Variants in SLC28A3 observed in about 807,000 individuals in gnomAD.
SLC28A3 encodes solute carrier family 28 member 3.
A neutral mutation model predicts 84.2 loss-of-function variants in SLC28A3; 68 were observed. The ratio of observed to expected loss-of-function variants is 0.81; its 90% confidence interval spans 0.66 to 0.99. SLC28A3 has a LOEUF of 0.99. SLC28A3 is among the 50% of genes least tolerant of loss of function. The pLI is 0.00. For synonymous variants in SLC28A3, 267 were observed against 303.6 expected (o/e 0.88, Z 1.25); for missense variants, 712 against 841.5 (o/e 0.85, Z 1.90).
intron 1 of SLC28A3, among the ~76,000 whole-genome samples, chr9:84,337,733 A>G (rs905642072): frequency 6.6e-6 from 1 of 152,198 alleles, no homozygotes; most frequent in Non-Finnish European, 1.5e-5. Flanking sequence ...ATCCTCAGCC[A>G]TATGAGAAAT....
intron 3 of SLC28A3, among the ~76,000 whole-genome samples, chr9:84,308,227 G>C (rs1825869034): frequency 6.6e-6 from 1 of 151,972 alleles, no homozygotes; most frequent in South Asian, 2.1e-4. Context: ...CTGTTGCCCA[G>C]GCTGGACAGA....
chr9:84,342,127 CAAA>C (rs200186519), upstream of SLC28A3, among the ~76,000 whole-genome samples: 3 of 68,748 alleles, frequency 4.4e-5, no homozygotes, highest in Non-Finnish European at 2.9e-5. Flanking sequence ...GACCCTGTCT[CAAA>C]AAAAAAAAAA....
At chr9:84,297,838 C>A in intron 7 of SLC28A3, 68 bp downstream of exon 7, 1 of 1,289,498 alleles carries the variant, frequency 7.8e-7, no homozygotes, top group Non-Finnish European at 1.1e-6. Context: ...ATTTCTGACA[C>A]GTCTTGAGGA....
intron 3 of SLC28A3, among the ~76,000 whole-genome samples, chr9:84,305,571 C>T (rs1825764539): frequency 6.6e-6 from 1 of 152,118 alleles, no homozygotes; most frequent in African/African-American, 2.4e-5. Flanking sequence ...GTGCCAAGCC[C>T]TGAGGGATTA....
intron 1 of SLC28A3, among the ~76,000 whole-genome samples, chr9:84,335,398 C>G (rs541459138): frequency 3.2e-4 from 49 of 152,202 alleles, no homozygotes; most frequent in African/African-American, 1.1e-3. Flanking sequence ...AATAAAAAAA[C>G]TTAGCCAGTT....
Position 84,284,033 on chromosome 9 carries a change from A to G in SLC28A3, c.1647+1312T>C, listed in dbSNP as rs566171432. The stretch of plus-strand genomic sequence containing the variant: ...TTGGTTGGGCTCACCCCTAAACTCA[A>G]TCAGCTCTACTGTTCTGTCTCTACC... On this transcript the variant is annotated intron_variant, in intron 14 of 17. Transcript: ENST00000376238. Among the ~76,000 whole-genome samples the G allele has an allele frequency of 1.2e-4, 19 of 152,254 alleles. No individual in the cohort carries two copies. The South Asian group carries it at 3.9e-3, about 32-fold the overall frequency.
At chr9:84,317,306 A>G in intron 1 of SLC28A3, among the ~76,000 whole-genome samples, 1 of 152,322 alleles carries the variant, frequency 6.6e-6, no homozygotes, top group East Asian at 1.9e-4. Flanking sequence ...CCAGATATTA[A>G]AAGACAAAGG....
In SLC28A3 at chr9:84,286,077, C is replaced by T. The variant is rs779317505; in HGVS notation, c.1315G>A (p.Gly439Arg). Reference sequence around the variant, plus strand: ...ACCAGGGAGATGGAGGAGGATGCTCCCTGTGTTGCAGCTTCTAGAAGATTC... The same window carrying T: ...ACCAGGGAGATGGAGGAGGATGCTCTCTGTGTTGCAGCTTCTAGAAGATTC... ...SGNLLEAATQ[G>R]ASSSISLVAN... The change falls in exon 13 of 18, where the codon GGA becomes AGA. Residue 439 changes from glycine (G) to arginine (R), a missense_variant. Transcript: ENST00000376238. 1 of 1,613,908 alleles carries T rather than the reference C, an allele frequency of 6.2e-7. No individual in the cohort carries two copies. The highest frequency in any genetic ancestry group is 8.5e-7 in the Non-Finnish European group (1 of 1,179,930).
intron 3 of SLC28A3, among the ~76,000 whole-genome samples, chr9:84,305,948 C>G (rs1237930202): frequency 4.6e-5 from 7 of 152,102 alleles, no homozygotes; most frequent in African/African-American, 1.7e-4. Flanking sequence ...GTTGGAATGT[C>G]TTTATTTCCA....
At chr9:84,327,860 A>C (rs1470624041) in intron 1 of SLC28A3, among the ~76,000 whole-genome samples, 2 of 142,160 alleles carry the variant, frequency 1.4e-5, no homozygotes, top group Non-Finnish European at 3.0e-5. Flanking sequence ...CAGGAGGCAG[A>C]GGTTGCAGTC....
chr9:84,300,106 A>T (rs1433214045), intron 5 of SLC28A3, among the ~76,000 whole-genome samples: 1 of 152,090 alleles, frequency 6.6e-6, no homozygotes, highest in African/African-American at 2.4e-5. Flanking sequence ...GGCTTAAATT[A>T]ACAAAGAAAC....
chr9:84,310,685 T>C (rs1039366769), intron 2 of SLC28A3: 2 of 768,152 alleles, frequency 2.6e-6, no homozygotes, highest in African/African-American at 3.8e-5. Context: ...TCCATTGTTC[T>C]TCTGATTCAG....
intron 10 of SLC28A3, among the ~76,000 whole-genome samples, chr9:84,291,257 TATA>T: frequency 6.6e-6 from 1 of 152,254 alleles, no homozygotes; most frequent in Non-Finnish European, 1.5e-5. Flanking sequence ...TGACTGTAAT[TATA>T]ATAATTTCAA....
the SLC28A3 span, among the ~76,000 whole-genome samples, chr9:84,368,139 G>T: frequency 0.018 from 2,783 of 152,260 alleles, 38 homozygotes; most frequent in Middle Eastern, 0.044. Context: ...GGTCCCTGTG[G>T]CTTTCCACAG....
At chr9:84,314,035 T>C (rs1410273132) in intron 1 of SLC28A3, among the ~76,000 whole-genome samples, 2 of 152,084 alleles carry the variant, frequency 1.3e-5, no homozygotes, top group African/African-American at 4.8e-5. Context: ...CAGGGGCAGG[T>C]TTCCACTCTC....
At chr9:84,343,870 C>T (rs533750924), upstream of SLC28A3, among the ~76,000 whole-genome samples, 5 of 152,238 alleles carry the variant, frequency 3.3e-5, no homozygotes, top group Admixed American at 2.0e-4. Context: ...ATGGGAGAAT[C>T]GCTTGAGCCC....
At chr9:84,279,883 G>T in intron 16 of SLC28A3, 92 bp downstream of exon 16, 2 of 1,190,320 alleles carry the variant, frequency 1.7e-6, no homozygotes, top group Non-Finnish European at 2.4e-6. Context: ...CTGTGGCAGC[G>T]TGTGCTGCAC....
Position 84,275,938 on chromosome 9 carries a change from T to C in SLC28A3, c.*2280A>G, listed in dbSNP as rs1824513491. On this transcript the variant is annotated 3_prime_UTR_variant, in exon 18 of 18. Transcript: ENST00000376238. ...AGCAGGTAAAAATTAAGACAACATATTTCTCCAAAAACCAGTCTGACATCT... is the reference window on the plus strand; with the variant it reads ...AGCAGGTAAAAATTAAGACAACATACTTCTCCAAAAACCAGTCTGACATCT... 6.6e-6 allele frequency: 1 copy of C among 152,106 alleles called. No homozygotes were observed. The highest frequency in any genetic ancestry group is 2.4e-5 in the African/African-American group (1 of 41,396). The allele number at this position is 152,106 out of a possible 1,614,324, so 9.4% of individuals were successfully genotyped here.
the SLC28A3 span, among the ~76,000 whole-genome samples, chr9:84,363,004 A>G: frequency 6.6e-6 from 1 of 152,208 alleles, no homozygotes; most frequent in East Asian, 1.9e-4. Flanking sequence ...TAATATGAAC[A>G]TGTTCGTGAA....
Sources: gnomAD v4.1 joint callset for allele counts (sites outside exome capture counted in the v4.1 genomes callset) on GRCh38, gnomAD v4.1.1 for gene constraint, MANE v1.5 for transcripts, NCBI Gene and HGNC (gene_info 2026-07-23, HGNC 2026-07-21) for gene names.